Variants in KYNU observed in about 807,000 individuals in gnomAD.
KYNU encodes L-kynurenine hydrolase.
A neutral mutation model predicts 59.2 loss-of-function variants in KYNU; 54 were observed. The ratio of observed to expected loss-of-function variants is 0.91; its 90% confidence interval spans 0.73 to 1.14. KYNU has a LOEUF of 1.14. Among genes scored for constraint, KYNU ranks in the 50% most tolerant of loss-of-function variants. The pLI, the probability that KYNU is intolerant of heterozygous loss-of-function variation, is 0.00. For synonymous variants in KYNU, 177 were observed against 192.0 expected (o/e 0.92, Z 0.65); for missense variants, 567 against 554.4 (o/e 1.02, Z -0.23).
At chr2:143,032,711 T>TTGTATGTG (rs145787098) in intron 11 of KYNU, among the ~76,000 whole-genome samples, 4 of 129,454 alleles carry the variant, frequency 3.1e-5, no homozygotes, top group African/African-American at 8.7e-5. Flanking sequence ...GCTCCCTCTA[T>TTGTATGTG]TGTGTGTGTG....
chr2:142,962,913 C>T (rs1684397213), intron 8 of KYNU, among the ~76,000 whole-genome samples: 1 of 151,952 alleles, frequency 6.6e-6, no homozygotes, highest in Non-Finnish European at 1.5e-5. Flanking sequence ...AAGAGAGAGG[C>T]AGAGAAGAAA....
chr2:142,976,167 G>A (rs1684873768), intron 8 of KYNU, among the ~76,000 whole-genome samples: 1 of 152,174 alleles, frequency 6.6e-6, no homozygotes, highest in African/African-American at 2.4e-5. Context: ...GTTTTATGGG[G>A]TTGTGCTGGA....
intron 4 of KYNU, among the ~76,000 whole-genome samples, chr2:142,942,583 C>T (rs552928429): frequency 8.5e-4 from 129 of 152,252 alleles, no homozygotes; most frequent in Middle Eastern, 3.4e-3. Flanking sequence ...GCAGCAACCT[C>T]GGTTTTTGCC....
At chr2:142,895,710 G>T (rs569988596) in intron 2 of KYNU, among the ~76,000 whole-genome samples, 66 of 151,894 alleles carry the variant, frequency 4.3e-4, no homozygotes, top group African/African-American at 1.5e-3. Flanking sequence ...TTTTAGAAAA[G>T]GTCTTGCCCT....
At chr2:142,943,137 A>G (rs964141019) in intron 4 of KYNU, among the ~76,000 whole-genome samples, 2 of 152,142 alleles carry the variant, frequency 1.3e-5, no homozygotes, top group African/African-American at 4.8e-5. Context: ...ATTATTTTAG[A>G]GAGACAGTTA....
At chr2:142,988,926 A>G in intron 10 of KYNU, 1 of 1,540,328 alleles carries the variant, frequency 6.5e-7, no homozygotes, top group Non-Finnish European at 9.0e-7. Flanking sequence ...TCATCACTTC[A>G]TTGTCCCTGA....
Position 142,985,115 on chromosome 2 carries a change from C to G in KYNU, c.761C>G (p.Ala254Gly), listed in dbSNP as rs1275344728. The G allele has an allele frequency of 6.2e-7, 1 of 1,610,596 alleles. No individual in the cohort carries two copies. Among genetic ancestry groups the G allele is most frequent in the Non-Finnish European group, 8.5e-7 (1 of 1,177,430 alleles). ...GCYVGFDLAHAVGNVELYLHD... is the reference protein window; with the variant it reads ...GCYVGFDLAHGVGNVELYLHD... Reference sequence around the variant, plus strand: ...TATGTTGGCTTTGATCTAGCACATGCAGTTGGAAATGTTGAACTCTACTTA... The same window carrying G: ...TATGTTGGCTTTGATCTAGCACATGGAGTTGGAAATGTTGAACTCTACTTA... Residue 254 changes from alanine (A) to glycine (G), a missense_variant, in exon 9 of 14, where the codon GCA (alanine) becomes GGA (glycine). Physicochemically the swap from Ala to Gly is moderately conservative, Grantham distance 60. Coordinates refer to ENST00000264170, the MANE Select transcript of KYNU (RefSeq NM_003937.3).
intron 2 of KYNU, among the ~76,000 whole-genome samples, chr2:142,907,713 A>G (rs1682349296): frequency 6.6e-6 from 1 of 152,146 alleles, no homozygotes; most frequent in South Asian, 2.1e-4. Flanking sequence ...GTGATATATG[A>G]TTTGACTATT....
intron 8 of KYNU, among the ~76,000 whole-genome samples, chr2:142,980,317 G>A (rs2105146709): frequency 8.0e-6 from 1 of 124,600 alleles, no homozygotes; most frequent in African/African-American, 3.2e-5. Context: ...TGGTTTTGGT[G>A]GGATTTGGCC....
chr2:142,947,238 C>T, intron 4 of KYNU: 1 of 1,548,468 alleles, frequency 6.5e-7, no homozygotes, highest in Non-Finnish European at 8.7e-7. Flanking sequence ...TAAACTGAAA[C>T]CTTGAGAGAG....
intron 12 of KYNU, among the ~76,000 whole-genome samples, chr2:143,038,596 T>C (rs1686952587): frequency 6.6e-6 from 1 of 152,184 alleles, no homozygotes. Flanking sequence ...GAGCTGTCTC[T>C]GTAGACTTCA....
chr2:142,955,198 A>G (rs1327292779), intron 5 of KYNU, among the ~76,000 whole-genome samples: 3 of 152,040 alleles, frequency 2.0e-5, no homozygotes, highest in African/African-American at 7.2e-5. Context: ...ACCTTTTTGG[A>G]AAGACAATTT....
At chr2:143,023,590 A>G (rs1686467725) in intron 10 of KYNU, among the ~76,000 whole-genome samples, 3 of 151,790 alleles carry the variant, frequency 2.0e-5, no homozygotes, top group Non-Finnish European at 3.0e-5. Flanking sequence ...TTGGTGTGGT[A>G]TTGTGTTATG....
chr2:142,898,250 CTTT>C (rs1421835604), intron 2 of KYNU, among the ~76,000 whole-genome samples: 12 of 151,684 alleles, frequency 7.9e-5, no homozygotes, highest in Admixed American at 6.6e-5. Flanking sequence ...GTTTTATTTT[CTTT>C]TTCTTTTTTT....
intron 11 of KYNU, among the ~76,000 whole-genome samples, chr2:143,032,454 G>C (rs1220378803): frequency 6.6e-6 from 1 of 152,106 alleles, no homozygotes; most frequent in Non-Finnish European, 1.5e-5. Context: ...TTCAAGATGA[G>C]ATTTGGGTGG....
At chr2:142,915,861 CCTAATA>C (rs2104984628) in intron 2 of KYNU, among the ~76,000 whole-genome samples, 1 of 152,208 alleles carries the variant, frequency 6.6e-6, no homozygotes, top group South Asian at 2.1e-4. Flanking sequence ...ACCACCTGTT[CCTAATA>C]CTGTCCTTAC....
chr2:142,914,314 T>A (rs1220052400), intron 2 of KYNU, among the ~76,000 whole-genome samples: 1 of 152,212 alleles, frequency 6.6e-6, no homozygotes, highest in Non-Finnish European at 1.5e-5. Flanking sequence ...TCTCTGTGAG[T>A]CCTCTTGCTT....
chr2:143,023,624 T>C lies in KYNU; in HGVS notation c.903-6003T>C, dbSNP rs115901172. Among the ~76,000 whole-genome samples the C allele has an allele frequency of 2.5e-3, 375 of 152,018 alleles. 2 individuals are homozygous for C. Among genetic ancestry groups the C allele is most frequent in the African/African-American group, 8.7e-3 (363 of 41,554 alleles). ...TGAACAGCAATTCATAACTGTTTTATCTTTACTGTGAATTTTTCAAATTAT... is the reference window on the plus strand; with the variant it reads ...TGAACAGCAATTCATAACTGTTTTACCTTTACTGTGAATTTTTCAAATTAT... On this transcript the variant is annotated intron_variant, in intron 10 of 13. Transcript: ENST00000264170.
intron 3 of KYNU, among the ~76,000 whole-genome samples, chr2:142,920,105 G>C (rs1682824904): frequency 6.6e-6 from 1 of 152,110 alleles, no homozygotes; most frequent in Admixed American, 6.6e-5. Flanking sequence ...CTGTGCAAAT[G>C]ATTACAACTA....
Sources: gnomAD v4.1 joint callset for allele counts (sites outside exome capture counted in the v4.1 genomes callset) on GRCh38, gnomAD v4.1.1 for gene constraint, MANE v1.5 for transcripts, NCBI Gene and HGNC (gene_info 2026-07-23, HGNC 2026-07-21) for gene names.